CHCHD3: variants seen among roughly 807,000 people sequenced by gnomAD.
CHCHD3 encodes the protein coiled-coil-helix-coiled-coil-helix domain containing 3.
In CHCHD3, 20 loss-of-function variants were observed where a neutral mutation model predicts 38.2. The observed-to-expected ratio is 0.52, with a 90% CI of 0.37 to 0.76. CHCHD3 has a LOEUF of 0.76. CHCHD3 is among the 30% of genes least tolerant of loss of function. CHCHD3 has a pLI of 0.00. For synonymous variants in CHCHD3, 82 were observed against 100.0 expected (o/e 0.82, Z 1.07); for missense variants, 245 against 279.2 (o/e 0.88, Z 0.87).
intron 7 of CHCHD3, among the ~76,000 whole-genome samples, chr7:132,789,990 G>A (rs1173340799): frequency 5.9e-5 from 9 of 152,302 alleles, no homozygotes; most frequent in African/African-American, 2.2e-4. Flanking sequence ...GGAAGGAAAA[G>A]TCATCTATAA....
At chr7:132,903,315 C>T (rs552632015) in intron 4 of CHCHD3, among the ~76,000 whole-genome samples, 3 of 150,860 alleles carry the variant, frequency 2.0e-5, no homozygotes, top group Admixed American at 6.6e-5. Context: ...TATTTGTATT[C>T]TTTTTAGTTG....
chr7:132,974,845 G>A (rs1366258393), intron 4 of CHCHD3, among the ~76,000 whole-genome samples: 1 of 151,436 alleles, frequency 6.6e-6, no homozygotes, highest in Non-Finnish European at 1.5e-5. Flanking sequence ...CTGCACTCTA[G>A]CCTAGGCGAC....
chr7:133,047,041 C>T (rs115438413), intron 2 of CHCHD3, among the ~76,000 whole-genome samples: 1,566 of 152,294 alleles, frequency 0.01, 31 homozygotes, highest in African/African-American at 0.036. Context: ...CTTAATCTCT[C>T]ATAGCCTCGG....
intron 3 of CHCHD3, among the ~76,000 whole-genome samples, chr7:133,013,010 AC>A (rs1812924204): frequency 6.6e-6 from 1 of 151,604 alleles, no homozygotes; most frequent in African/African-American, 2.4e-5. Flanking sequence ...ACATGATGAA[AC>A]CCCGTCTCTA....
chr7:132,849,961 C>T (rs573370689), intron 5 of CHCHD3, among the ~76,000 whole-genome samples: 1 of 151,170 alleles, frequency 6.6e-6, no homozygotes, highest in East Asian at 2.0e-4. Context: ...AAATCTACTT[C>T]TTATGTCAGC....
intron 4 of CHCHD3, among the ~76,000 whole-genome samples, chr7:132,888,601 T>C (rs1809277157): frequency 6.6e-6 from 1 of 151,932 alleles, no homozygotes; most frequent in South Asian, 2.1e-4. Context: ...TATAAGAGTA[T>C]TTACATCTAA....
intron 5 of CHCHD3, among the ~76,000 whole-genome samples, chr7:132,859,718 G>A (rs1040835499): frequency 6.6e-6 from 1 of 152,126 alleles, no homozygotes; most frequent in African/African-American, 2.4e-5. Flanking sequence ...CCCTGTGGAG[G>A]AATTCCACTG....
intron 5 of CHCHD3, among the ~76,000 whole-genome samples, chr7:132,854,246 T>C (rs754268765): frequency 5.3e-5 from 8 of 152,078 alleles, no homozygotes; most frequent in Non-Finnish European, 1.0e-4. Context: ...TACTGAAAAA[T>C]GAAAAACAAG....
At chr7:132,858,161 C>T (rs896662792) in intron 5 of CHCHD3, among the ~76,000 whole-genome samples, 1 of 152,142 alleles carries the variant, frequency 6.6e-6, no homozygotes, top group Admixed American at 6.5e-5. Context: ...CTCACAGGTT[C>T]AAGCAATTCG....
At chr7:132,785,831 T>C (rs1268830247) in intron 7 of CHCHD3, among the ~76,000 whole-genome samples, 171 bp from the exon 8 acceptor site, 2 of 152,176 alleles carry the variant, frequency 1.3e-5, no homozygotes, top group Non-Finnish European at 1.5e-5. Context: ...ATCAACACCA[T>C]TGCTTTATCA....
At chr7:133,039,377 T>G (rs1813767189) in intron 2 of CHCHD3, among the ~76,000 whole-genome samples, 1 of 152,188 alleles carries the variant, frequency 6.6e-6, no homozygotes, top group Admixed American at 6.5e-5. Context: ...ACTCATTCCT[T>G]ATAGTAGCAA....
intron 3 of CHCHD3, among the ~76,000 whole-genome samples, chr7:132,993,818 T>A (rs7794951): frequency 6.6e-6 from 1 of 152,016 alleles, no homozygotes; most frequent in Non-Finnish European, 1.5e-5. Context: ...TGTTGATCCC[T>A]GCACTTTGCC....
At chr7:132,810,411 T>C (rs1320266364) in intron 6 of CHCHD3, among the ~76,000 whole-genome samples, 2 of 152,342 alleles carry the variant, frequency 1.3e-5, no homozygotes, top group Admixed American at 6.5e-5. Flanking sequence ...TCAGTACTGA[T>C]GCCATAAGAA....
intron 2 of CHCHD3, among the ~76,000 whole-genome samples, chr7:133,054,269 C>T (rs1814249334): frequency 6.6e-6 from 1 of 152,152 alleles, no homozygotes; most frequent in African/African-American, 2.4e-5. Flanking sequence ...ATATATCCAA[C>T]AACGACATTC....
At chr7:132,834,098 G>T (rs947912691) in intron 6 of CHCHD3, among the ~76,000 whole-genome samples, 4 of 152,138 alleles carry the variant, frequency 2.6e-5, no homozygotes, top group African/African-American at 7.2e-5. Context: ...CATACAGATA[G>T]GAGCCAGTGA....
chr7:133,021,902 T>C (rs949588109), intron 3 of CHCHD3, among the ~76,000 whole-genome samples: 1 of 152,042 alleles, frequency 6.6e-6, no homozygotes, highest in Non-Finnish European at 1.5e-5. Context: ...CTGGCCAATA[T>C]GGTGAAACCC....
At chr7:132,898,791 C>T (rs529545065) in intron 4 of CHCHD3, among the ~76,000 whole-genome samples, 5 of 152,346 alleles carry the variant, frequency 3.3e-5, no homozygotes, top group Middle Eastern at 3.4e-3. Flanking sequence ...TCGAGCGCAG[C>T]GCCGGTGGGC....
At chr7:133,068,721 T>C (rs1161546804) in intron 2 of CHCHD3, among the ~76,000 whole-genome samples, 1 of 151,946 alleles carries the variant, frequency 6.6e-6, no homozygotes, top group Non-Finnish European at 1.5e-5. Flanking sequence ...GTTTTAGAGA[T>C]GGAGTTGACA....
chr7:132,823,678 C>T (rs1226360187), intron 6 of CHCHD3, among the ~76,000 whole-genome samples: 2 of 152,108 alleles, frequency 1.3e-5, no homozygotes, highest in African/African-American at 4.8e-5. Context: ...AGTAAGTGAG[C>T]TAATTTTATC....
Sources: allele counts gnomAD v4.1 joint callset (sites outside exome capture counted in the v4.1 genomes callset), GRCh38; gene constraint gnomAD v4.1.1; transcripts MANE v1.5; gene names NCBI Gene and HGNC (gene_info 2026-07-23, HGNC 2026-07-21).